MRPL4: variants seen among roughly 807,000 people sequenced by gnomAD.
The protein encoded by MRPL4 is large ribosomal subunit protein uL4m.
MRPL4 carries 34 observed loss-of-function variants against 34.1 expected under a neutral mutation model. That is an observed-to-expected ratio of 1.00 (90% CI 0.76 to 1.33). The LOEUF is 1.33. MRPL4 is among the 40% of genes most tolerant of loss of function. The pLI is 0.00. For synonymous variants in MRPL4, 196 were observed against 188.3 expected (o/e 1.04, Z -0.33); for missense variants, 402 against 434.6 (o/e 0.92, Z 0.67).
upstream of MRPL4, chr19:10,252,204 G>T (rs747341791): frequency 6.6e-7 from 1 of 1,520,660 alleles, no homozygotes; most frequent in Non-Finnish European, 8.8e-7. Flanking sequence ...GCGGCGCCTC[G>T]CGAGGCTCCA....
intron 5 of MRPL4, among the ~76,000 whole-genome samples, chr19:10,257,070 G>C (rs2039859524): frequency 1.3e-5 from 2 of 152,028 alleles, no homozygotes; most frequent in African/African-American, 2.4e-5. Flanking sequence ...TCTTCAGCCT[G>C]TGGCCACAGC....
intron 4 of MRPL4, 76 bp from the exon 5 acceptor site, chr19:10,256,632 C>A: frequency 8.0e-7 from 1 of 1,245,422 alleles, no homozygotes; most frequent in South Asian, 1.3e-5. Context: ...TCTGACTTCC[C>A]CGTGGCAGGA....
chr19:10,256,680 C>T (rs371713635), intron 4 of MRPL4, 28 bp from the exon 5 acceptor site: 2 of 1,601,114 alleles, frequency 1.2e-6, no homozygotes, highest in Non-Finnish European at 1.7e-6. Context: ...CCTCGTGGAC[C>T]TGACCCCCCT....
chr19:10,252,155 G>A (rs1477959556), upstream of MRPL4: 18 of 1,397,450 alleles, frequency 1.3e-5, no homozygotes, highest in South Asian at 2.1e-4. Flanking sequence ...GCGCGGAGTC[G>A]CGGCGGGTAG....
At chr19:10,256,114 C>T (rs1161070508) in intron 4 of MRPL4, among the ~76,000 whole-genome samples, 1 of 152,102 alleles carries the variant, frequency 6.6e-6, no homozygotes, top group African/African-American at 2.4e-5. Flanking sequence ...GGTGAAACCC[C>T]ATCTCTACTA....
chr19:10,259,366 T>TCCCAGCCAGGCACAGGACC (rs2039886227), intron 8 of MRPL4: 7 of 1,380,772 alleles, frequency 5.1e-6, no homozygotes, highest in Non-Finnish European at 6.5e-6. Flanking sequence ...GAGCCAGGAG[T>TCCCAGCCAGGCACAGGACC]CCCAGCCAGG....
intron 8 of MRPL4, chr19:10,259,398 C>T (rs1238570442): frequency 4.3e-6 from 6 of 1,404,808 alleles, no homozygotes; most frequent in African/African-American, 1.5e-5. Flanking sequence ...GCCTGGCTCT[C>T]GGTCAGCAGG....
At chr19:10,257,945 C>T (rs2039867218) in intron 5 of MRPL4, among the ~76,000 whole-genome samples, 1 of 152,008 alleles carries the variant, frequency 6.6e-6, no homozygotes, top group Non-Finnish European at 1.5e-5. Flanking sequence ...CTCCTGGGCT[C>T]AAGTGATCCT....
At position 10,256,825 on chromosome 19, in the gene MRPL4, G is replaced by C. The variant is rs1200119812; in HGVS notation, c.445G>C (p.Gly149Arg). 4 of 896,228 alleles carry C rather than the reference G, an allele frequency of 4.5e-6. No homozygotes were observed. Among genetic ancestry groups the C allele is most frequent in the East Asian group, 7.8e-5 (1 of 12,744 alleles). 55.5% of individuals were successfully genotyped at this position (896,228 alleles called of 1,614,324 possible). Residue 149 changes from glycine to arginine, a missense_variant and splice_region_variant, in exon 5 of 9, where the codon GGA (glycine) becomes CGA (arginine). By Grantham distance (125) the Gly-to-Arg change is moderately radical. Coordinates refer to ENST00000253099, the MANE Select transcript of MRPL4 (RefSeq NM_015956.3). ...CATCCGCTCTCCGCTCTGGCGAGGA[G>C]GTAACAGGACAGGGTGGAGGGGGCG... ...GSIRSPLWRG[G>R]GVAHGPRGPT...
intron 5 of MRPL4, 123 bp downstream of exon 5, chr19:10,256,948 C>T (rs558823009): frequency 7.0e-4 from 529 of 757,818 alleles, no homozygotes; most frequent in Admixed American, 2.7e-3. Context: ...CCCTCCACCT[C>T]ATGGAACCAC....
rs1211892117 is a variant in MRPL4 at position 10,259,772 on chromosome 19, C to A, written c.895C>A (p.His299Asn). ...CAGCGACTTCCCCCGACCCCTACCC[C>A]ACGCTACCCAGGGCCCAGCGGCCAC... is the stretch of plus-strand genomic sequence containing the variant. ...PYSDFPRPLPHATQGPAATPY... is the reference protein window; with the variant it reads ...PYSDFPRPLPNATQGPAATPY... The change falls in exon 9 of 9, where the codon CAC (histidine) becomes AAC (asparagine). Residue 299 changes from histidine to asparagine, a missense_variant. Transcript: ENST00000253099. 1.1e-5 allele frequency: 17 copies of A among 1,613,922 alleles called. No homozygotes were observed. Among genetic ancestry groups the A allele is most frequent in the Admixed American group, 3.3e-5 (2 of 60,002 alleles).
chr19:10,254,070 G>A (rs2039825583), intron 3 of MRPL4, among the ~76,000 whole-genome samples: 1 of 152,140 alleles, frequency 6.6e-6, no homozygotes, highest in African/African-American at 2.4e-5. Flanking sequence ...CCAGGCTGGA[G>A]TGCAATGGCA....
At chr19:10,255,784 T>A (rs1016476498) in intron 4 of MRPL4, 6 of 152,472 alleles carry the variant, frequency 3.9e-5, no homozygotes, top group African/African-American at 1.4e-4. Flanking sequence ...TGCTCCTCTT[T>A]CCTGATTCTC....
chr19:10,256,741 C>CG lies in MRPL4; in HGVS notation c.365dup (p.Gly123ArgfsTer114), dbSNP rs1568284461. The CG allele has an allele frequency of 6.3e-7, 1 of 1,588,928 alleles. No individual in the cohort carries two copies. The highest frequency in any genetic ancestry group is 1.1e-5 in the South Asian group (1 of 90,446). The stretch of plus-strand genomic sequence containing the variant: ...CAAGACCAAGACGAGAGCCGAGGTG[C>CG]GGGGCGGTGGCCGGAAGCCTTGGCC... On this transcript the variant is annotated frameshift_variant, in exon 5 of 9. Transcript: ENST00000253099. LOFTEE classifies it high-confidence loss of function.
rs370998167 is a variant in MRPL4 at position 10,257,048 on chromosome 19, G to A, written c.445+223G>A. 2.6e-5 allele frequency among the ~76,000 whole-genome samples: 4 copies of A among 152,086 alleles called. No individual in the cohort carries two copies. The East Asian group carries it at 5.8e-4, about 22-fold the overall frequency. On this transcript the variant is annotated intron_variant, in intron 5 of 8. Transcript: ENST00000253099. ...TGGGAGCCATCCACTCCTCCCTCTC[G>A]CATGCCCTGTCTCTTCAGCCTGTGG...
At position 10,258,533 on chromosome 19, in the gene MRPL4, AGGGCAGAGCAGGGGCAGG is replaced by A; in HGVS notation, c.662+16_662+33del. 6.2e-7 allele frequency: 1 copy of A among 1,614,040 alleles called. No individual in the cohort carries two copies. Among genetic ancestry groups the A allele is most frequent in the Non-Finnish European group, 8.5e-7 (1 of 1,179,992 alleles). ...ACTCCTCGTGGACTTGTGAGGGCAC[AGGGCAGAGCAGGGGCAGG>A]GGGCCCTGAGCTCCGTACTCTGAGG... On this transcript the variant is annotated intron_variant, in intron 7 of 8. Transcript: ENST00000253099.
chr19:10,252,514 C>T, intron 2 of MRPL4, 37 bp from the exon 3 acceptor site: 2 of 1,613,722 alleles, frequency 1.2e-6, no homozygotes, highest in South Asian at 2.2e-5. Context: ...GAGGTCTGAC[C>T]CTTGACCCTA....
At position 10,259,790 on chromosome 19, in the gene MRPL4, G is replaced by T. The variant is rs1185046900; in HGVS notation, c.913G>T (p.Ala305Ser). 2.5e-6 allele frequency: 4 copies of T among 1,612,862 alleles called. No homozygotes were observed. In the African/African-American group the frequency reaches 4.0e-5, roughly 16 times the overall value. ...CCTACCCCACGCTACCCAGGGCCCA[G>T]CGGCCACCCCGTACCACTGTTGATG... ...RPLPHATQGPAATPYHC is the reference protein window; with the variant it reads ...RPLPHATQGPSATPYHC The change falls in exon 9 of 9, where the codon GCG (alanine) becomes TCG (serine). Residue 305 changes from alanine to serine, a missense_variant. Physicochemically the swap from Ala to Ser is moderately conservative, Grantham distance 99. Transcript: ENST00000253099.
At chr19:10,255,582 A>G (rs2039842882) in intron 4 of MRPL4, 1 of 152,680 alleles carries the variant, frequency 6.5e-6, no homozygotes, top group Non-Finnish European at 1.5e-5. Context: ...CACAGAGGCC[A>G]GTGGGAGCAG....
Sources: allele counts gnomAD v4.1 joint callset (sites outside exome capture counted in the v4.1 genomes callset), GRCh38; gene constraint gnomAD v4.1.1; transcripts MANE v1.5; gene names NCBI Gene and HGNC (gene_info 2026-07-23, HGNC 2026-07-21).